EPS8: variants seen among roughly 807,000 people sequenced by gnomAD.
The protein encoded by EPS8 is EGFR pathway substrate 8, signaling adaptor.
Under a neutral mutation model 103.8 loss-of-function variants are expected in EPS8, and 42 were observed. The ratio of observed to expected loss-of-function variants is 0.40; its 90% confidence interval spans 0.32 to 0.52. The LOEUF is 0.52. Ranked by LOEUF, EPS8 falls within the 20% of genes least tolerant of loss-of-function variation. EPS8 has a pLI of 0.40. For missense variants in EPS8, 969 were observed against 1,005.1 expected, an observed-to-expected ratio of 0.96 and a Z score of 0.49; for synonymous variants, 344 against 344.6, an observed-to-expected ratio of 1.00 and a Z score of 0.02.
intron 15 of EPS8, among the ~76,000 whole-genome samples, chr12:15,644,890 T>C (rs1049008690): frequency 6.6e-6 from 1 of 152,122 alleles, no homozygotes; most frequent in Non-Finnish European, 1.5e-5. Flanking sequence ...CAAATGTTCT[T>C]AGCAACATAG....
At chr12:15,670,459 A>G (rs1945795674) in intron 4 of EPS8, among the ~76,000 whole-genome samples, 1 of 152,166 alleles carries the variant, frequency 6.6e-6, no homozygotes, top group Admixed American at 6.5e-5. Flanking sequence ...AAATATCGTA[A>G]AAGAGGGCAA....
chr12:15,663,854 A>G (rs1945649962), intron 8 of EPS8, among the ~76,000 whole-genome samples: 1 of 148,168 alleles, frequency 6.7e-6, no homozygotes. Context: ...CCAGGAGACA[A>G]AGGTTGCAGT....
intron 12 of EPS8, among the ~76,000 whole-genome samples, chr12:15,657,560 A>G (rs1275098765): frequency 6.6e-6 from 1 of 152,186 alleles, no homozygotes; most frequent in Non-Finnish European, 1.5e-5. Flanking sequence ...CTGATGGGCT[A>G]CTATAAAGCC....
Position 15,736,740 on chromosome 12 carries a change from A to G in EPS8, c.-22+52421T>C, listed in dbSNP as rs1398549864. Among the ~76,000 whole-genome samples the G allele has an allele frequency of 6.6e-6, 1 of 152,162 alleles. No individual in the cohort carries two copies. Among genetic ancestry groups the G allele is most frequent in the African/African-American group, 2.4e-5 (1 of 41,448 alleles). ...GAGAGAAAAATAATACATAAGATGC[A>G]AAGAAAAAATGCATAAGGCATCCTC... is the stretch of plus-strand genomic sequence containing the variant. On this transcript the variant is annotated intron_variant, in intron 1 of 20. Coordinates refer to ENST00000281172, the MANE Select transcript of EPS8 (RefSeq NM_004447.6). The surrounding 1 kb of genome is among the most constrained non-coding windows in gnomAD (Gnocchi z 4.2).
In EPS8 at chr12:15,736,802, G is replaced by A. The variant is rs7972816; in HGVS notation, c.-22+52359C>T. 0.99 allele frequency among the ~76,000 whole-genome samples: 150,401 copies of A among 152,258 alleles called. 74,316 individuals carry two copies. Among genetic ancestry groups the A allele is most frequent in the East Asian group, 1 (5,182 of 5,182 alleles). On this transcript the variant is annotated intron_variant, in intron 1 of 20. Transcript: ENST00000281172. This position sits in a 1 kb window ranked among gnomAD's most constrained non-coding sequence, Gnocchi z 4.2. ...TATAGAACCATACAACCAAGCATAT[G>A]TCAATACCCTCCATGGAGACACTAT... is the stretch of plus-strand genomic sequence containing the variant.
rs145931182 is a variant in EPS8, at chr12:15,731,367, C to T, written c.-21-48395G>A. ...AGGCTGAAGTGCAATGGCACAATCT[C>T]GGCTCACTGCAACCTCAGCTTCCCA... On this transcript the variant is annotated intron_variant, in intron 1 of 20. Transcript: ENST00000281172. This position sits in a 1 kb window ranked among gnomAD's most constrained non-coding sequence, Gnocchi z 5.1. 1.0e-3 allele frequency among the ~76,000 whole-genome samples: 156 copies of T among 152,130 alleles called. 1 individual carries two copies. Among genetic ancestry groups the T allele is most frequent in the African/African-American group, 3.6e-3 (148 of 41,492 alleles).
rs534247218 is a variant in EPS8, at chr12:15,634,011, T to C, written c.1822-2347A>G. On this transcript the variant is annotated intron_variant, in intron 17 of 20. Transcript: ENST00000281172. ...GCTATTTTTTGTTGAAGCTACAGAG[T>C]TAATGATTCCAACGTATCTCAGTTT... is the stretch of plus-strand genomic sequence containing the variant. 2.0e-5 allele frequency among the ~76,000 whole-genome samples: 3 copies of C among 152,284 alleles called. No individual in the cohort carries two copies. The East Asian group carries it at 5.8e-4, about 29-fold the overall frequency.
rs1462472598 is a variant in EPS8, at chr12:15,785,016, G to A, written c.-22+4145C>T. On this transcript the variant is annotated intron_variant, in intron 1 of 20. Coordinates refer to ENST00000281172, the MANE Select transcript of EPS8 (RefSeq NM_004447.6). This position sits in a 1 kb window ranked among gnomAD's most constrained non-coding sequence, Gnocchi z 4.9. ...GTAATGTGTTGAAATTATTCGGTAT[G>A]ATACTATGATCCTATAAGGATAGCT... 6.6e-6 allele frequency among the ~76,000 whole-genome samples: 1 copy of A among 152,052 alleles called. No homozygotes were observed. The highest frequency in any genetic ancestry group is 1.5e-5 in the Non-Finnish European group (1 of 67,928).
chr12:15,621,885 T>C (rs1256422170), intron 20 of EPS8, among the ~76,000 whole-genome samples: 3 of 152,154 alleles, frequency 2.0e-5, no homozygotes, highest in African/African-American at 4.8e-5. Flanking sequence ...CCGACCATGC[T>C]GGCTTTTCTC....
intron 6 of EPS8, among the ~76,000 whole-genome samples, chr12:15,668,510 G>A (rs948589908): frequency 1.3e-5 from 2 of 152,140 alleles, no homozygotes; most frequent in Non-Finnish European, 2.9e-5. Context: ...ACACATTCAA[G>A]GTTGAAGATA....
chr12:15,626,522 G>A (rs1268268548), intron 18 of EPS8, among the ~76,000 whole-genome samples: 2 of 151,558 alleles, frequency 1.3e-5, no homozygotes, highest in Non-Finnish European at 2.9e-5. Flanking sequence ...CCAGCTACTC[G>A]GGAGGCTGAG....
In EPS8 at chr12:15,695,699, G is replaced by A. The variant is rs1383697879; in HGVS notation, c.-21-12727C>T. Among the ~76,000 whole-genome samples the A allele has an allele frequency of 2.0e-5, 3 of 152,158 alleles. No homozygotes were observed. Among genetic ancestry groups the A allele is most frequent in the Admixed American group, 2.0e-4 (3 of 15,272 alleles). On this transcript the variant is annotated intron_variant, in intron 1 of 20. Coordinates refer to ENST00000281172, the MANE Select transcript of EPS8 (RefSeq NM_004447.6). This position sits in a 1 kb window ranked among gnomAD's most constrained non-coding sequence, Gnocchi z 5.0. ...GCATGAAATAAGAAAATGAGGCAGG[G>A]CATGGTGGCCCACACCTATAATCCC...
chr12:15,628,836 C>T (rs560157423), intron 18 of EPS8, among the ~76,000 whole-genome samples: 8 of 152,062 alleles, frequency 5.3e-5, no homozygotes, highest in Non-Finnish European at 1.2e-4. Context: ...GATGAGTAGG[C>T]ATATTTTGAG....
intron 1 of EPS8, among the ~76,000 whole-genome samples, chr12:15,691,839 T>C (rs1312304479): frequency 6.6e-6 from 1 of 152,170 alleles, no homozygotes; most frequent in Non-Finnish European, 1.5e-5. Flanking sequence ...TGTTTGTTAA[T>C]AATTATCTTT....
Position 15,713,792 on chromosome 12 carries a change from A to G in EPS8, c.-21-30820T>C, listed in dbSNP as rs1203278601. Among the ~76,000 whole-genome samples, 3 of 152,224 alleles carry G rather than the reference A, an allele frequency of 2.0e-5. No individual in the cohort carries two copies. Among genetic ancestry groups the G allele is most frequent in the Non-Finnish European group, 2.9e-5 (2 of 68,036 alleles). On this transcript the variant is annotated intron_variant, in intron 1 of 20. Coordinates refer to ENST00000281172, the MANE Select transcript of EPS8 (RefSeq NM_004447.6). The surrounding 1 kb of genome is among the most constrained non-coding windows in gnomAD (Gnocchi z 4.8). ...GGAGGAGAAATTCACTCATAGTCAT[A>G]TTAAGACTTAAGAGAGCTTGTCTCT...
Position 15,620,208 on chromosome 12 carries a change from A to G in EPS8, c.*1109T>C, listed in dbSNP as rs1944840618. 1 of 152,660 alleles carries G rather than the reference A, an allele frequency of 6.6e-6. No homozygotes were observed. The highest frequency in any genetic ancestry group is 2.1e-4 in the South Asian group (1 of 4,834). 9.5% of individuals were successfully genotyped at this position (152,660 alleles called of 1,614,324 possible). ...TTATTGCAGACTTTCCAGCTGACTC[A>G]TGTGAAAAAGGCACTATGAAAATTA... is the stretch of plus-strand genomic sequence containing the variant. On this transcript the variant is annotated 3_prime_UTR_variant, in exon 21 of 21. Transcript: ENST00000281172.
rs114938323 is a variant in EPS8, at chr12:15,750,285, C to A, written c.-22+38876G>T. Among the ~76,000 whole-genome samples the A allele has an allele frequency of 8.1e-3, 1,235 of 152,194 alleles. 16 individuals carry two copies. Among genetic ancestry groups the A allele is most frequent in the African/African-American group, 0.027 (1,134 of 41,502 alleles). ...AGACATACATGCACATGCACACACA[C>A]AAAAAAATTCTCCTATTTACATGAA... On this transcript the variant is annotated intron_variant, in intron 1 of 20. Coordinates refer to ENST00000281172, the MANE Select transcript of EPS8 (RefSeq NM_004447.6).
At chr12:15,703,568 T>C (rs1040659115) in intron 1 of EPS8, among the ~76,000 whole-genome samples, 1 of 151,920 alleles carries the variant, frequency 6.6e-6, no homozygotes, top group Non-Finnish European at 1.5e-5. Flanking sequence ...ACAGAATATA[T>C]GAAAAGAAGA....
At chr12:15,720,717 T>C (rs1946585729) in intron 1 of EPS8, among the ~76,000 whole-genome samples, 1 of 152,194 alleles carries the variant, frequency 6.6e-6, no homozygotes, top group Non-Finnish European at 1.5e-5. Context: ...GTCCCCTGCC[T>C]CACTTTTCAG....
Sources: allele counts gnomAD v4.1 joint callset (sites outside exome capture counted in the v4.1 genomes callset), GRCh38; gene constraint gnomAD v4.1.1; non-coding constraint Gnocchi (gnomAD v3.1); transcripts MANE v1.5; gene names NCBI Gene and HGNC (gene_info 2026-07-23, HGNC 2026-07-21).